Variants in SLIT3 observed in about 807,000 individuals in gnomAD.
SLIT3 encodes the protein slit guidance ligand 3.
A neutral mutation model predicts 184.0 loss-of-function variants in SLIT3; 68 were observed. The ratio of observed to expected loss-of-function variants is 0.37; its 90% CI spans 0.30 to 0.45. SLIT3 has a LOEUF of 0.45. SLIT3 is among the 20% of genes least tolerant of loss of function. SLIT3 has a pLI of 1.00. For missense variants in SLIT3, 1,707 were observed against 2,026.0 expected (o/e 0.84, Z 3.02); for synonymous variants, 831 against 828.6 (o/e 1.00, Z -0.05).
intron 32 of SLIT3, among the ~76,000 whole-genome samples, chr5:168,673,626 A>T (rs1761322221): frequency 6.6e-6 from 1 of 152,214 alleles, no homozygotes; most frequent in African/African-American, 2.4e-5. Context: ...TTATCCTTAG[A>T]TACCTCAGTG....
intron 4 of SLIT3, among the ~76,000 whole-genome samples, chr5:168,975,922 T>G (rs1281764891): frequency 6.6e-6 from 1 of 152,144 alleles, no homozygotes; most frequent in Non-Finnish European, 1.5e-5. Context: ...AGTACAGAGA[T>G]TAACTTCTAC....
At chr5:169,263,698 T>TC (rs1350848532) in intron 1 of SLIT3, 2 of 507,878 alleles carry the variant, frequency 3.9e-6, no homozygotes, top group African/African-American at 2.1e-5. Flanking sequence ...CACCCCACAC[T>TC]CCCCCTGCAG....
At position 169,034,014 on chromosome 5, in the gene SLIT3, A is replaced by C. The variant is rs34471460; in HGVS notation, c.414-150678T>G. Among the ~76,000 whole-genome samples, 314 of 151,904 alleles carry C rather than the reference A, an allele frequency of 2.1e-3. 1 individual carries two copies. Among genetic ancestry groups the C allele is most frequent in the Non-Finnish European group, 3.9e-3 (263 of 67,940 alleles). On this transcript the variant is annotated intron_variant, in intron 4 of 35. Transcript: ENST00000519560. Reference sequence around the variant, plus strand: ...TTTTTAGTAGAGACGGGTTTTCACCATGTTGGCCAGGATGGTCTTGATCTC... The same window carrying C: ...TTTTTAGTAGAGACGGGTTTTCACCCTGTTGGCCAGGATGGTCTTGATCTC...
chr5:168,780,989 G>A (rs947729966), intron 12 of SLIT3, among the ~76,000 whole-genome samples: 1 of 152,192 alleles, frequency 6.6e-6, no homozygotes, highest in Non-Finnish European at 1.5e-5. Flanking sequence ...GGAAACAGGA[G>A]GAGCCCTCCA....
At chr5:169,152,352 G>C (rs778779806) in intron 4 of SLIT3, among the ~76,000 whole-genome samples, 42 of 152,216 alleles carry the variant, frequency 2.8e-4, no homozygotes, top group Non-Finnish European at 5.1e-4. Context: ...GGGGAGACTC[G>C]AACCTGCTGA....
intron 35 of SLIT3, among the ~76,000 whole-genome samples, chr5:168,668,514 G>C (rs1168128682): frequency 6.6e-6 from 1 of 152,160 alleles, no homozygotes; most frequent in Non-Finnish European, 1.5e-5. Context: ...GGTCCACTGA[G>C]GACCATTTTC....
intron 4 of SLIT3, among the ~76,000 whole-genome samples, chr5:168,943,731 A>G (rs1412122874): frequency 6.6e-6 from 1 of 152,258 alleles, no homozygotes; most frequent in Non-Finnish European, 1.5e-5. Context: ...TACACAGTTT[A>G]TGAATAATAT....
intron 4 of SLIT3, among the ~76,000 whole-genome samples, chr5:168,935,204 C>T (rs1446768142): frequency 1.3e-5 from 2 of 151,670 alleles, no homozygotes; most frequent in Non-Finnish European, 2.9e-5. Context: ...AGAGGTATTG[C>T]CCTCATTTTT....
intron 5 of SLIT3, among the ~76,000 whole-genome samples, chr5:168,863,639 T>C (rs919422503): frequency 2.0e-5 from 3 of 152,164 alleles, no homozygotes; most frequent in African/African-American, 7.2e-5. Flanking sequence ...CAGAGTCCTG[T>C]GAGTTCTTGC....
chr5:169,027,874 A>G lies in SLIT3; in HGVS notation c.414-144538T>C, dbSNP rs183734005. 2.6e-5 allele frequency among the ~76,000 whole-genome samples: 4 copies of G among 152,306 alleles called. No homozygotes were observed. The East Asian group carries it at 7.7e-4, about 29-fold the overall frequency. On this transcript the variant is annotated intron_variant, in intron 4 of 35. Transcript: ENST00000519560. ...AAGATCTCCTGGTGCATTTATGAAAAGCCATTGATCTGGGAAGAGGTGTTA... is the reference window on the plus strand; with the variant it reads ...AAGATCTCCTGGTGCATTTATGAAAGGCCATTGATCTGGGAAGAGGTGTTA...
intron 12 of SLIT3, among the ~76,000 whole-genome samples, chr5:168,781,860 C>T (rs1755983474): frequency 1.3e-5 from 2 of 152,162 alleles, no homozygotes; most frequent in African/African-American, 4.8e-5. Context: ...CTGGCTCCAT[C>T]ATGCTAAGTG....
intron 5 of SLIT3, among the ~76,000 whole-genome samples, chr5:168,868,106 A>G (rs974812109): frequency 1.3e-5 from 2 of 152,200 alleles, no homozygotes; most frequent in Non-Finnish European, 2.9e-5. Flanking sequence ...TACCAAACCA[A>G]ACCCCAAAAC....
chr5:168,824,302 T>C (rs958248402), intron 6 of SLIT3, among the ~76,000 whole-genome samples: 30 of 152,200 alleles, frequency 2.0e-4, no homozygotes, highest in African/African-American at 6.8e-4. Context: ...GGTGCATCTC[T>C]ACGACCATGA....
chr5:168,732,390 A>G (rs1763313116), intron 20 of SLIT3, among the ~76,000 whole-genome samples: 1 of 152,120 alleles, frequency 6.6e-6, no homozygotes, highest in Non-Finnish European at 1.5e-5. Flanking sequence ...ATACTGCCCA[A>G]AGCAATCTAC....
chr5:169,272,092 G>C (rs77209005), intron 1 of SLIT3, among the ~76,000 whole-genome samples: 78 of 152,362 alleles, frequency 5.1e-4, no homozygotes, highest in African/African-American at 1.8e-3. Context: ...AGGCCCATGG[G>C]TAAGGGGGCT....
intron 2 of SLIT3, among the ~76,000 whole-genome samples, chr5:169,249,245 T>G (rs1393602428): frequency 1.3e-5 from 2 of 152,154 alleles, no homozygotes; most frequent in Non-Finnish European, 2.9e-5. Flanking sequence ...AATGGGATTG[T>G]CTTTGAGTTG....
At chr5:168,820,049 G>A (rs1472207254) in intron 7 of SLIT3, among the ~76,000 whole-genome samples, 2 of 152,220 alleles carry the variant, frequency 1.3e-5, no homozygotes, top group African/African-American at 4.8e-5. Flanking sequence ...ATGTTTGGGA[G>A]ATCAAGCTAA....
At position 169,205,199 on chromosome 5, in the gene SLIT3, A is replaced by G. The variant is rs553405670; in HGVS notation, c.342-11649T>C. ...CTGCAGGGTCTAAGAACTCTTGGAC[A>G]GGGCATGGCGCTGGGGCTTAGGAAG... On this transcript the variant is annotated intron_variant, in intron 3 of 35. Coordinates refer to ENST00000519560, the MANE Select transcript of SLIT3 (RefSeq NM_003062.4). 2.7e-3 allele frequency among the ~76,000 whole-genome samples: 410 copies of G among 152,316 alleles called. 1 individual carries two copies. The highest frequency in any genetic ancestry group is 9.2e-3 in the African/African-American group (381 of 41,576).
intron 4 of SLIT3, among the ~76,000 whole-genome samples, chr5:168,904,483 AAATAAC>A (rs1760977364): frequency 1.2e-5 from 1 of 82,382 alleles, no homozygotes; most frequent in Admixed American, 1.7e-4. Flanking sequence ...CTTACTTTAG[AAATAAC>A]AATAATAATA....
Sources: allele counts gnomAD v4.1 joint callset (sites outside exome capture counted in the v4.1 genomes callset), GRCh38; gene constraint gnomAD v4.1.1; transcripts MANE v1.5; gene names NCBI Gene and HGNC (gene_info 2026-07-23, HGNC 2026-07-21).